Variants in TFAP2A observed in about 807,000 individuals in gnomAD.
TFAP2A encodes transcription factor AP-2-alpha.
TFAP2A carries 7 observed loss-of-function variants against 41.5 expected under a neutral mutation model. The ratio of observed to expected loss-of-function variants is 0.17; its 90% confidence interval spans 0.10 to 0.32. TFAP2A has a LOEUF of 0.32. TFAP2A is among the 10% of genes least tolerant of loss of function. TFAP2A has a pLI of 1.00. For synonymous variants in TFAP2A, 247 were observed against 242.8 expected (o/e 1.02, Z -0.16); for missense variants, 416 against 563.3 (o/e 0.74, Z 2.65).
intron 1 of TFAP2A, chr6:10,412,099 G>A (rs924628330): frequency 1.0e-6 from 1 of 995,536 alleles, no homozygotes; most frequent in Non-Finnish European, 1.2e-6. Flanking sequence ...GCGTGAAGCG[G>A]AGAGGCAACT....
intron 1 of TFAP2A, 25 bp downstream of exon 1, chr6:10,414,916 A>G (rs1758178996): frequency 1.2e-6 from 2 of 1,613,238 alleles, no homozygotes; most frequent in African/African-American, 2.7e-5. Flanking sequence ...GACCGCACGG[A>G]TGATCGAGCC....
rs950210520 is a variant in TFAP2A at position 10,412,063 on chromosome 6, A to T, written c.52-1728T>A. On this transcript the variant is annotated intron_variant, in intron 1 of 6. Transcript: ENST00000379613. ...ACTATTAATATTACACGAATACTTA[A>T]TAAGGGAAGAATGCCTGGAAATCGA... 3.0e-6 allele frequency: 3 copies of T among 1,001,240 alleles called. No homozygotes were observed. The African/African-American group carries it at 5.2e-5, about 17-fold the overall frequency. The allele number at this position is 1,001,240 out of a possible 1,614,324, so 62.0% of individuals were successfully genotyped here.
chr6:10,402,902 A>G (rs1757472558), intron 4 of TFAP2A, among the ~76,000 whole-genome samples: 1 of 152,210 alleles, frequency 6.6e-6, no homozygotes, highest in Non-Finnish European at 1.5e-5. Context: ...ACACAGCCCC[A>G]TCTCTAGGGT....
chr6:10,404,774 T>G (rs780030798), intron 3 of TFAP2A, 35 bp from the exon 4 acceptor site: 9 of 1,592,136 alleles, frequency 5.7e-6, no homozygotes, highest in Admixed American at 5.0e-5. Flanking sequence ...GTGTTGGGCG[T>G]CGTGGATCAC....
At chr6:10,415,263 G>T, upstream of TFAP2A, 1 of 1,427,728 alleles carries the variant, frequency 7.0e-7, no homozygotes, top group South Asian at 1.5e-5. Flanking sequence ...TCCCTCTAAT[G>T]GTAGAAACTT....
intron 2 of TFAP2A, chr6:10,407,140 C>G (rs916822870): frequency 9.0e-6 from 4 of 443,284 alleles, no homozygotes; most frequent in Admixed American, 7.2e-5. Flanking sequence ...GTTGGAGCAC[C>G]TAATCATTCT....
At chr6:10,404,978 C>T in intron 3 of TFAP2A, 1 of 589,192 alleles carries the variant, frequency 1.7e-6, no homozygotes, top group Non-Finnish European at 3.0e-6. Context: ...GCCTGGCCTG[C>T]GTTTCTGCCT....
chr6:10,414,708 A>C (rs1207415380), intron 1 of TFAP2A: 6 of 655,960 alleles, frequency 9.1e-6, no homozygotes, highest in Non-Finnish European at 1.6e-5. Flanking sequence ...CAGAAAGGGG[A>C]GTAAAGTGGG....
chr6:10,413,633 C>T (rs112549863), intron 1 of TFAP2A, among the ~76,000 whole-genome samples: 1 of 152,236 alleles, frequency 6.6e-6, no homozygotes, highest in Non-Finnish European at 1.5e-5. Context: ...CGACAGGACC[C>T]CCCCAGGGAA....
chr6:10,415,126 AG>A, upstream of TFAP2A: 6 of 1,570,944 alleles, frequency 3.8e-6, no homozygotes, highest in Non-Finnish European at 5.2e-6. Flanking sequence ...GAGGAGGAGA[AG>A]GAGGAGGGAG....
At chr6:10,404,146 G>T (rs994081296) in intron 4 of TFAP2A, among the ~76,000 whole-genome samples, 2 of 152,244 alleles carry the variant, frequency 1.3e-5, no homozygotes, top group Admixed American at 6.5e-5. Context: ...GAGGGAAAAG[G>T]TGGCTGTACG....
upstream of TFAP2A, among the ~76,000 whole-genome samples, chr6:10,417,759 C>T (rs1020717890): frequency 3.3e-5 from 5 of 152,192 alleles, no homozygotes; most frequent in African/African-American, 1.2e-4. Flanking sequence ...CCCTCCGGGC[C>T]CCAAATCCGC....
Position 10,410,214 on chromosome 6 carries a change from G to T in TFAP2A, c.173C>A (p.Pro58Gln). The T allele has an allele frequency of 1.0e-6, 1 of 1,003,120 alleles. No individual in the cohort carries two copies. The highest frequency in any genetic ancestry group is 1.4e-6 in the Non-Finnish European group (1 of 693,706). The allele number at this position is 1,003,120 out of a possible 1,614,324, so 62.1% of individuals were successfully genotyped here. Reference protein sequence around the residue: ...SHTPNADFQPPYFPPPYQPIY... With the variant: ...SHTPNADFQPQYFPPPYQPIY... ...AGGCTGGTAGGGTGGGGGGAAGTATGGGGGCTGGAAGTCGGCATTGGGGGT... is the reference window on the plus strand; with the variant it reads ...AGGCTGGTAGGGTGGGGGGAAGTATTGGGGCTGGAAGTCGGCATTGGGGGT... Residue 58 changes from proline to glutamine, a missense_variant, in exon 2 of 7, where the codon CCA (proline) becomes CAA (glutamine). Transcript: ENST00000379613.
chr6:10,411,479 T>C, intron 1 of TFAP2A: 2 of 1,609,430 alleles, frequency 1.2e-6, no homozygotes, highest in Non-Finnish European at 8.5e-7. Flanking sequence ...AAGCTGGGCG[T>C]GAAACCCGAG....
intron 1 of TFAP2A, among the ~76,000 whole-genome samples, chr6:10,413,637 C>CA (rs929641250): frequency 6.6e-6 from 1 of 152,226 alleles, no homozygotes; most frequent in Non-Finnish European, 1.5e-5. Flanking sequence ...AGGACCCCCC[C>CA]AGGGAAGAGC....
intron 6 of TFAP2A, among the ~76,000 whole-genome samples, chr6:10,399,920 C>CTCTCTCTG (rs1416387650): frequency 1.1e-3 from 135 of 117,912 alleles, no homozygotes; most frequent in East Asian, 8.4e-3. Context: ...CTCTCTCTCT[C>CTCTCTCTG]TGTCTGTGTG....
At position 10,404,693 on chromosome 6, in the gene TFAP2A, G is replaced by A; in HGVS notation, c.585C>T (p.Ile195=). Residue 195 remains isoleucine (I), a synonymous_variant, in exon 4 of 7, where the codon ATC becomes ATT. Coordinates refer to ENST00000379613, the MANE Select transcript of TFAP2A (RefSeq NM_001372066.1). ...SKSNSNAVSA[I]PINKDNLFGG... The stretch of plus-strand genomic sequence containing the variant: ...CGAAGAGGTTGTCCTTGTTAATAGG[G>A]ATGGCGGAGACGGCATTGCTGTTGG... The A allele has an allele frequency of 6.2e-7, 1 of 1,614,208 alleles. No individual in the cohort carries two copies. Among genetic ancestry groups the A allele is most frequent in the Non-Finnish European group, 8.5e-7 (1 of 1,180,020 alleles).
chr6:10,419,002 G>A (rs1038549115), upstream of TFAP2A, among the ~76,000 whole-genome samples: 4 of 152,066 alleles, frequency 2.6e-5, no homozygotes, highest in African/African-American at 9.7e-5. Flanking sequence ...GAGGCCGCAG[G>A]CGCAGCAGGC....
At chr6:10,414,635 A>C in intron 1 of TFAP2A, 2 of 530,176 alleles carry the variant, frequency 3.8e-6, no homozygotes, top group African/African-American at 1.9e-5. Flanking sequence ...CCCAGTTGCC[A>C]GCAATTGCTT....
Sources: allele counts gnomAD v4.1 joint callset (sites outside exome capture counted in the v4.1 genomes callset), GRCh38; gene constraint gnomAD v4.1.1; transcripts MANE v1.5; gene names NCBI Gene and HGNC (gene_info 2026-07-23, HGNC 2026-07-21).